Variants in RALYL observed in about 807,000 individuals in gnomAD.
The protein encoded by RALYL is RALY RNA binding protein like.
A neutral mutation model predicts 35.1 loss-of-function variants in RALYL; 29 were observed. The observed-to-expected ratio is 0.83, with a 90% confidence interval of 0.61 to 1.13. The LOEUF is 1.13. Ranked by LOEUF, RALYL falls within the 50% of genes most tolerant of loss-of-function variation. The probability of loss-of-function intolerance (pLI) is 0.00; values close to 1 mark genes in which losing one functional copy is unlikely to be tolerated. For synonymous variants in RALYL, 120 were observed against 127.6 expected (o/e 0.94, Z 0.40); for missense variants, 359 against 360.4 (o/e 1.00, Z 0.03).
At chr8:84,657,119 C>T (rs1011883748) in intron 2 of RALYL, among the ~76,000 whole-genome samples, 2 of 152,104 alleles carry the variant, frequency 1.3e-5, no homozygotes, top group Non-Finnish European at 1.5e-5. Flanking sequence ...CTGTAGGCTT[C>T]CACAGATCTA....
chr8:84,813,494 G>A (rs1329020999), intron 4 of RALYL, among the ~76,000 whole-genome samples: 1 of 152,300 alleles, frequency 6.6e-6, no homozygotes, highest in East Asian at 1.9e-4. Context: ...CAGAATAAGT[G>A]CATGGTATAT....
chr8:84,722,352 G>T (rs1048820733), intron 2 of RALYL, among the ~76,000 whole-genome samples: 15 of 151,732 alleles, frequency 9.9e-5, no homozygotes, highest in Non-Finnish European at 1.8e-4. Context: ...ATATTGTATG[G>T]TTGATAAATT....
chr8:84,278,309 A>G (rs1462513820), intron 1 of RALYL, among the ~76,000 whole-genome samples: 2 of 152,204 alleles, frequency 1.3e-5, no homozygotes, highest in African/African-American at 2.4e-5. Context: ...TCTGGGGTAC[A>G]GGGTGCCATG....
chr8:84,348,518 TTGTCCATTTAATGTACAGAAGGGTC>T (rs1256307483), intron 1 of RALYL, among the ~76,000 whole-genome samples: 5 of 152,118 alleles, frequency 3.3e-5, no homozygotes, highest in Admixed American at 3.3e-4. Context: ...ACCCAGCCAG[TTGTCCATTTAATGTACAGAAGGGTC>T]TGTATAAAGG....
intron 2 of RALYL, among the ~76,000 whole-genome samples, chr8:84,534,650 A>G (rs1436407596): frequency 6.6e-6 from 1 of 152,150 alleles, no homozygotes; most frequent in African/African-American, 2.4e-5. Context: ...GGTCCCTCAC[A>G]TGGAAAAGAG....
chr8:84,205,684 A>G (rs1817900453), intron 1 of RALYL, among the ~76,000 whole-genome samples: 1 of 152,242 alleles, frequency 6.6e-6, no homozygotes, highest in Non-Finnish European at 1.5e-5. Flanking sequence ...CAAGTAATCT[A>G]TCTTTGTAAA....
intron 1 of RALYL, among the ~76,000 whole-genome samples, chr8:84,205,223 T>C (rs561628140): frequency 8.7e-4 from 133 of 152,344 alleles, no homozygotes; most frequent in Non-Finnish European, 1.7e-3. Flanking sequence ...CTGTTCTCGA[T>C]ATGCAATTAC....
chr8:84,505,038 G>A (rs565693790), intron 1 of RALYL, among the ~76,000 whole-genome samples: 7 of 152,194 alleles, frequency 4.6e-5, no homozygotes, highest in Middle Eastern at 3.4e-3. Flanking sequence ...GGGCTGTCTT[G>A]CTTGTGTCCC....
intron 1 of RALYL, among the ~76,000 whole-genome samples, chr8:84,496,503 G>A (rs13252091): frequency 0.35 from 52,893 of 151,754 alleles, 9,522 homozygotes; most frequent in South Asian, 0.51. Context: ...CACAACCATG[G>A]CATTATTGGC....
chr8:84,807,686 T>C (rs534484278), intron 4 of RALYL, among the ~76,000 whole-genome samples: 1 of 152,330 alleles, frequency 6.6e-6, no homozygotes, highest in African/African-American at 2.4e-5. Flanking sequence ...TACTGTTTTT[T>C]GATTTTTTGA....
intron 1 of RALYL, among the ~76,000 whole-genome samples, chr8:84,197,756 C>G (rs917079061): frequency 3.3e-5 from 5 of 150,342 alleles, no homozygotes; most frequent in African/African-American, 1.2e-4. Flanking sequence ...TAGCGAGACC[C>G]CATTCTCCAG....
At chr8:84,773,026 C>G (rs1815929736) in intron 2 of RALYL, among the ~76,000 whole-genome samples, 2 of 152,196 alleles carry the variant, frequency 1.3e-5, no homozygotes, top group South Asian at 4.1e-4. Context: ...GTTGCTAAGG[C>G]TTTTGTCACA....
intron 2 of RALYL, among the ~76,000 whole-genome samples, chr8:84,551,951 A>T (rs1370561150): frequency 6.6e-6 from 1 of 152,100 alleles, no homozygotes; most frequent in Non-Finnish European, 1.5e-5. Flanking sequence ...AGTACTATAG[A>T]TACTCCCATT....
At chr8:84,505,896 TTTTGA>T in intron 1 of RALYL, among the ~76,000 whole-genome samples, 1 of 152,184 alleles carries the variant, frequency 6.6e-6, no homozygotes, top group African/African-American at 2.4e-5. Context: ...ATAGGGTGAC[TTTTGA>T]TTTATTTTGT....
chr8:84,465,083 T>C (rs1444417142), intron 1 of RALYL, among the ~76,000 whole-genome samples: 4 of 119,282 alleles, frequency 3.4e-5, no homozygotes, highest in African/African-American at 1.3e-4. Flanking sequence ...TTCTCCCATT[T>C]TGTAGGTTGC....
At chr8:84,648,972 C>T (rs1453919898) in intron 2 of RALYL, among the ~76,000 whole-genome samples, 3 of 151,868 alleles carry the variant, frequency 2.0e-5, no homozygotes, top group African/African-American at 7.2e-5. Context: ...TCCCTTTAAG[C>T]ATAACACCAC....
intron 2 of RALYL, among the ~76,000 whole-genome samples, chr8:84,596,724 A>G (rs1392419889): frequency 6.6e-6 from 1 of 151,834 alleles, no homozygotes; most frequent in Non-Finnish European, 1.5e-5. Flanking sequence ...CCTGATCTCA[A>G]CTCTCCTGGA....
At chr8:84,605,689 G>A (rs139560301) in intron 2 of RALYL, among the ~76,000 whole-genome samples, 1 of 152,042 alleles carries the variant, frequency 6.6e-6, no homozygotes, top group East Asian at 1.9e-4. Flanking sequence ...AGTGCCATGG[G>A]CATGCCCTGT....
Position 84,337,264 on chromosome 8 carries a change from C to T in RALYL, c.-24+152840C>T, listed in dbSNP as rs530916610. On this transcript the variant is annotated intron_variant, in intron 1 of 8. Coordinates refer to ENST00000521268, the MANE Select transcript of RALYL (RefSeq NM_173848.7). ...TTTTTCTGATGATGTCTCACATTGT[C>T]GTCACTATAGAAATGAGGCTAATAA... Among the ~76,000 whole-genome samples, 69 of 150,712 alleles carry T rather than the reference C, an allele frequency of 4.6e-4. 1 individual carries two copies. Among genetic ancestry groups the T allele is most frequent in the African/African-American group, 1.5e-3 (63 of 41,088 alleles).
Sources: allele counts gnomAD v4.1 joint callset (sites outside exome capture counted in the v4.1 genomes callset), GRCh38; gene constraint gnomAD v4.1.1; transcripts MANE v1.5; gene names NCBI Gene and HGNC (gene_info 2026-07-23, HGNC 2026-07-21).